The following SUPT3H variants were observed in gnomAD, a reference collection of about 807,000 sequenced individuals.
SUPT3H encodes transcription initiation protein SPT3 homolog.
Under a neutral mutation model 44.3 loss-of-function variants are expected in SUPT3H, and 44 were observed. That is an observed-to-expected ratio of 0.99 (90% CI 0.78 to 1.28). The LOEUF (loss-of-function observed/expected upper bound fraction) is 1.28. Among genes scored for constraint, SUPT3H ranks in the 50% most tolerant of loss-of-function variants. The pLI is 0.00. For synonymous variants in SUPT3H, 124 were observed against 125.6 expected (o/e 0.99, Z 0.09); for missense variants, 380 against 387.1 (o/e 0.98, Z 0.15).
At chr6:45,343,299 A>G (rs2150144839) in intron 2 of SUPT3H, among the ~76,000 whole-genome samples, 1 of 152,154 alleles carries the variant, frequency 6.6e-6, no homozygotes, top group African/African-American at 2.4e-5. Flanking sequence ...CAAGAAGATC[A>G]AGACCATCCT....
At chr6:45,302,069 C>G (rs1782209959) in intron 2 of SUPT3H, among the ~76,000 whole-genome samples, 1 of 152,082 alleles carries the variant, frequency 6.6e-6, no homozygotes, top group South Asian at 2.1e-4. Flanking sequence ...TAAGGAAGTC[C>G]CCTCTGCGTC....
intron 6 of SUPT3H, among the ~76,000 whole-genome samples, chr6:44,966,408 A>G (rs1398099832): frequency 1.3e-5 from 2 of 150,326 alleles, no homozygotes; most frequent in African/African-American, 4.8e-5. Flanking sequence ...AATAAAATTT[A>G]TAAAATATTT....
At chr6:44,886,115 G>A (rs1402762837) in intron 10 of SUPT3H, among the ~76,000 whole-genome samples, 8 of 152,318 alleles carry the variant, frequency 5.3e-5, no homozygotes, top group Admixed American at 1.3e-4. Context: ...ATGGGACTAC[G>A]TGAAAAGACC....
intron 2 of SUPT3H, among the ~76,000 whole-genome samples, chr6:45,292,725 T>TA (rs1554328109): frequency 1.2e-5 from 1 of 82,442 alleles, no homozygotes; most frequent in Admixed American, 1.1e-4. Context: ...CAACAGCAGT[T>TA]AAAAAAGACA....
At chr6:45,077,649 A>AAAAAAAAAG in intron 3 of SUPT3H, among the ~76,000 whole-genome samples, 1 of 30,032 alleles carries the variant, frequency 3.3e-5, no homozygotes, top group African/African-American at 3.2e-4. Flanking sequence ...AAAAGAAAAG[A>AAAAAAAAAG]AAAAAAAAAG....
At chr6:45,344,922 TTTAG>T (rs2150153039) in intron 2 of SUPT3H, among the ~76,000 whole-genome samples, 1 of 152,226 alleles carries the variant, frequency 6.6e-6, no homozygotes, top group Non-Finnish European at 1.5e-5. Flanking sequence ...AGCAGGATAG[TTTAG>T]TAGTTGCCAT....
At chr6:44,975,792 C>T (rs981919736) in intron 6 of SUPT3H, among the ~76,000 whole-genome samples, 1 of 151,816 alleles carries the variant, frequency 6.6e-6, no homozygotes, top group African/African-American at 2.4e-5. Context: ...CAAATTACTT[C>T]TGATTTTTGA....
chr6:44,857,029 A>C (rs977785505), intron 10 of SUPT3H, among the ~76,000 whole-genome samples: 15 of 152,184 alleles, frequency 9.9e-5, no homozygotes, highest in Non-Finnish European at 4.4e-5. Context: ...CTATATCATA[A>C]ACTAACCCAA....
At chr6:44,876,779 A>G (rs1777356013) in intron 10 of SUPT3H, among the ~76,000 whole-genome samples, 1 of 150,154 alleles carries the variant, frequency 6.7e-6, no homozygotes. Flanking sequence ...CAAAAGCAAA[A>G]CTGTGCTTAA....
At chr6:45,151,392 T>C (rs755895561) in intron 2 of SUPT3H, among the ~76,000 whole-genome samples, 3 of 152,198 alleles carry the variant, frequency 2.0e-5, no homozygotes, top group Non-Finnish European at 2.9e-5. Flanking sequence ...TGAAAGCCCA[T>C]ATACCACCAT....
chr6:45,252,635 G>C (rs1772573613), intron 2 of SUPT3H, among the ~76,000 whole-genome samples: 1 of 151,208 alleles, frequency 6.6e-6, no homozygotes, highest in Non-Finnish European at 1.5e-5. Flanking sequence ...ATACAAACAG[G>C]CACCTGAAAA....
intron 2 of SUPT3H, among the ~76,000 whole-genome samples, chr6:45,156,390 G>A (rs2153598781): frequency 6.6e-6 from 1 of 152,154 alleles, no homozygotes; most frequent in Admixed American, 6.6e-5. Flanking sequence ...CATCCTTCCT[G>A]AGTTCTAGAG....
chr6:44,970,668 T>G (rs1777442906), intron 6 of SUPT3H, among the ~76,000 whole-genome samples: 1 of 152,132 alleles, frequency 6.6e-6, no homozygotes, highest in African/African-American at 2.4e-5. Context: ...TTGAATAACA[T>G]TCTTAAAAAT....
intron 2 of SUPT3H, among the ~76,000 whole-genome samples, chr6:45,262,877 A>G (rs1242446225): frequency 6.6e-6 from 1 of 152,196 alleles, no homozygotes; most frequent in Non-Finnish European, 1.5e-5. Flanking sequence ...GCCAACAAAT[A>G]TATGAGAAAA....
intron 2 of SUPT3H, among the ~76,000 whole-genome samples, chr6:45,358,587 A>G (rs1370611389): frequency 6.6e-6 from 1 of 152,178 alleles, no homozygotes; most frequent in Non-Finnish European, 1.5e-5. Flanking sequence ...ACAAGAGCAC[A>G]ATGTTTATCA....
intron 3 of SUPT3H, among the ~76,000 whole-genome samples, chr6:45,035,094 T>C (rs1787482213): frequency 6.6e-6 from 1 of 152,208 alleles, no homozygotes; most frequent in South Asian, 2.1e-4. Context: ...CTCTGATAAA[T>C]TTCTGTTAAG....
intron 9 of SUPT3H, among the ~76,000 whole-genome samples, chr6:44,941,743 A>G (rs1772474080): frequency 6.6e-6 from 1 of 152,162 alleles, no homozygotes; most frequent in South Asian, 2.1e-4. Flanking sequence ...AGTATTACAG[A>G]TATAACTATA....
At chr6:45,028,896 C>CAAAAAAAAAA (rs57234806) in intron 3 of SUPT3H, among the ~76,000 whole-genome samples, 7 of 71,034 alleles carry the variant, frequency 9.9e-5, no homozygotes, top group South Asian at 4.6e-4. Flanking sequence ...AAACAGTTGC[C>CAAAAAAAAAA]AAAAAAAAAA....
chr6:44,845,119 C>G (rs1203233721), intron 10 of SUPT3H, among the ~76,000 whole-genome samples: 1 of 152,146 alleles, frequency 6.6e-6, no homozygotes, highest in Non-Finnish European at 1.5e-5. Context: ...AATTATATGA[C>G]TAGAGTTCCT....
Sources: allele counts gnomAD v4.1 joint callset (sites outside exome capture counted in the v4.1 genomes callset), GRCh38; gene constraint gnomAD v4.1.1; transcripts MANE v1.5; gene names NCBI Gene and HGNC (gene_info 2026-07-23, HGNC 2026-07-21).